USH2A: variants seen among roughly 807,000 people sequenced by gnomAD.
The protein encoded by USH2A is Usher syndrome 2A (autosomal recessive, mild).
Under a neutral mutation model 538.9 loss-of-function variants are expected in USH2A, and 443 were observed. The observed-to-expected ratio is 0.82, with a 90% confidence interval of 0.76 to 0.89. The LOEUF is 0.89. Among genes scored for constraint, USH2A ranks in the 40% least tolerant of loss-of-function variants. USH2A has a pLI of 0.00. For synonymous variants in USH2A, 2,413 were observed against 2,273.5 expected (o/e 1.06, Z -1.75); for missense variants, 6,633 against 6,324.8 (o/e 1.05, Z -1.65).
intron 4 of USH2A, among the ~76,000 whole-genome samples, chr1:216,337,661 G>A (rs973967689): frequency 2.0e-5 from 3 of 151,092 alleles, no homozygotes; most frequent in African/African-American, 7.3e-5. Flanking sequence ...GATTGTTAAA[G>A]GAATGTCTAG....
At chr1:216,362,296 A>T (rs1487557583) in intron 4 of USH2A, among the ~76,000 whole-genome samples, 2 of 152,158 alleles carry the variant, frequency 1.3e-5, no homozygotes, top group African/African-American at 2.4e-5. Context: ...TGAATAAGGA[A>T]TTCATAAATG....
At chr1:215,642,715 G>A (rs969953063) in intron 67 of USH2A, among the ~76,000 whole-genome samples, 1 of 151,934 alleles carries the variant, frequency 6.6e-6, no homozygotes, top group South Asian at 2.1e-4. Flanking sequence ...ATAATGATAC[G>A]CTACAACCCA....
intron 21 of USH2A, among the ~76,000 whole-genome samples, chr1:216,131,413 T>C (rs1047923633): frequency 1.3e-5 from 2 of 152,112 alleles, no homozygotes; most frequent in Non-Finnish European, 2.9e-5. Flanking sequence ...GTTTTTCCAA[T>C]GTTATCTTCT....
rs764084647 is a variant in USH2A, at chr1:216,200,005, G to A, written c.3433C>T (p.Pro1145Ser). Residue 1145 changes from proline to serine, a missense_variant, in exon 17 of 72, where the codon CCA becomes TCA. Transcript: ENST00000307340. ...GTCAAGTTTCCCTCTGGGACCCCTG[G>A]TTTTGTCTTGTAAGTGACAGCTACA... The part of the protein sequence containing the change: ...RSVAVTYKTK[P>S]GVPEGNLTLS... 18 of 1,613,874 alleles carry A rather than the reference G, an allele frequency of 1.1e-5. No homozygotes were observed. Among genetic ancestry groups the A allele is most frequent in the Non-Finnish European group, 1.5e-5 (18 of 1,179,992 alleles).
At chr1:215,794,617 G>A (rs1016681789) in intron 50 of USH2A, among the ~76,000 whole-genome samples, 1 of 152,118 alleles carries the variant, frequency 6.6e-6, no homozygotes, top group African/African-American at 2.4e-5. Flanking sequence ...AAAGTCAAGA[G>A]AATAAAAAGA....
intron 44 of USH2A, among the ~76,000 whole-genome samples, chr1:215,847,520 C>T (rs1315520432): frequency 1.3e-5 from 2 of 151,904 alleles, no homozygotes; most frequent in East Asian, 3.9e-4. Context: ...TGGCACACAC[C>T]TGTAGTCCCA....
chr1:216,006,560 T>C (rs1392812027), intron 32 of USH2A, among the ~76,000 whole-genome samples: 2 of 152,228 alleles, frequency 1.3e-5, no homozygotes, highest in Non-Finnish European at 1.5e-5. Flanking sequence ...GAGATGTCAC[T>C]GAACACACTG....
intron 32 of USH2A, among the ~76,000 whole-genome samples, chr1:216,031,096 TCTTC>T (rs1669111545): frequency 6.6e-6 from 1 of 152,066 alleles, no homozygotes; most frequent in Admixed American, 6.6e-5. Context: ...TTAATCCCTC[TCTTC>T]CTTTATTTTG....
rs373183870 is a variant in USH2A at position 215,907,612 on chromosome 1, A to G, written c.7301-6707T>C. Among the ~76,000 whole-genome samples, 20 of 152,160 alleles carry G rather than the reference A, an allele frequency of 1.3e-4. No homozygotes were observed. In the East Asian group the frequency reaches 3.7e-3, roughly 28 times the overall value. On this transcript the variant is annotated intron_variant, in intron 38 of 71. Coordinates refer to ENST00000307340, the MANE Select transcript of USH2A (RefSeq NM_206933.4). Reference sequence around the variant, plus strand: ...TGCTGAAACTTCACTGAGCATCTTAATTTTGGCCTGCTTAATATTGGAGTT... The same window carrying G: ...TGCTGAAACTTCACTGAGCATCTTAGTTTTGGCCTGCTTAATATTGGAGTT...
Position 215,674,664 on chromosome 1 carries a change from T to C in USH2A, c.13247A>G (p.Gln4416Arg). Residue 4416 changes from glutamine (Q) to arginine (R), a missense_variant, in exon 63 of 72, where the codon CAG becomes CGG. Transcript: ENST00000307340. The part of the protein sequence containing the change: ...LLVSHLQPYS[Q>R]YNFSLVACTN... ...GCAGGCTACAAGGGAGAAGTTATAC[T>C]GAGAGTAAGGCTGCAGGTGGGAAAC... The C allele has an allele frequency of 1.2e-6, 2 of 1,614,128 alleles. No individual in the cohort carries two copies. The highest frequency in any genetic ancestry group is 1.1e-5 in the South Asian group (1 of 91,070).
chr1:215,844,099 A>T (rs141799030), intron 46 of USH2A, among the ~76,000 whole-genome samples, 195 bp downstream of exon 46: 3 of 152,184 alleles, frequency 2.0e-5, no homozygotes, highest in African/African-American at 7.2e-5. Context: ...TATTATCATT[A>T]TCTTCTCTCC....
intron 32 of USH2A, among the ~76,000 whole-genome samples, chr1:216,011,971 ATTTTTT>A (rs36126185): frequency 3.5e-5 from 1 of 28,488 alleles, no homozygotes; most frequent in Non-Finnish European, 6.1e-5. Flanking sequence ...ATCACGCTTG[ATTTTTT>A]TTTTTTTTTT....
chr1:216,418,994 T>C (rs2102784606), intron 2 of USH2A, among the ~76,000 whole-genome samples: 1 of 152,264 alleles, frequency 6.6e-6, no homozygotes, highest in African/African-American at 2.4e-5. Flanking sequence ...TATTGGCTCA[T>C]TAGTTCTCCT....
chr1:216,376,210 T>C (rs1012199346), intron 3 of USH2A, among the ~76,000 whole-genome samples: 1 of 152,116 alleles, frequency 6.6e-6, no homozygotes, highest in African/African-American at 2.4e-5. Context: ...ACCTTCACTT[T>C]GTAAAAAAAT....
chr1:215,678,542 A>G (rs1658111539), intron 62 of USH2A, among the ~76,000 whole-genome samples: 1 of 152,234 alleles, frequency 6.6e-6, no homozygotes, highest in Non-Finnish European at 1.5e-5. Context: ...ACTTGATTCA[A>G]ATGATATTCC....
In USH2A at chr1:215,781,437, T is replaced by C. The variant is rs77415019; in HGVS notation, c.10740+605A>G. On this transcript the variant is annotated intron_variant, in intron 54 of 71. Transcript: ENST00000307340. ...ATCCACAAATTACTCAAGCAGATAT[T>C]TGACAATATCCGTGACTCTTTCCTT... 4.6e-5 allele frequency among the ~76,000 whole-genome samples: 7 copies of C among 152,318 alleles called. No individual in the cohort carries two copies. The East Asian group carries it at 5.8e-4, about 13-fold the overall frequency.
chr1:215,915,951 AC>A lies in USH2A; in HGVS notation c.7301-15047del, dbSNP rs577725164. Among the ~76,000 whole-genome samples, 8 of 149,410 alleles carry A rather than the reference AC, an allele frequency of 5.4e-5. No homozygotes were observed. The East Asian group carries it at 1.4e-3, about 26-fold the overall frequency. On this transcript the variant is annotated intron_variant, in intron 38 of 71. Coordinates refer to ENST00000307340, the MANE Select transcript of USH2A (RefSeq NM_206933.4). Reference sequence around the variant, plus strand: ...CTATCACAACAACAAAAAACCAAACACCGCATATTCTCACTCATAGGTGGGA... The same window carrying A: ...CTATCACAACAACAAAAAACCAAACACGCATATTCTCACTCATAGGTGGGA...
chr1:216,182,239 T>C (rs938580272), intron 20 of USH2A, among the ~76,000 whole-genome samples: 47 of 152,070 alleles, frequency 3.1e-4, no homozygotes, highest in Admixed American at 3.0e-3. Flanking sequence ...TTTCTTTCCT[T>C]GCAGTTTTTT....
intron 15 of USH2A, among the ~76,000 whole-genome samples, chr1:216,214,684 T>C (rs907989229): frequency 2.6e-5 from 4 of 151,986 alleles, no homozygotes; most frequent in Admixed American, 6.6e-5. Flanking sequence ...AATTGTTAAA[T>C]ATATAATATG....
Sources: allele counts gnomAD v4.1 joint callset (sites outside exome capture counted in the v4.1 genomes callset), GRCh38; gene constraint gnomAD v4.1.1; transcripts MANE v1.5; gene names NCBI Gene and HGNC (gene_info 2026-07-23, HGNC 2026-07-21).